Variants in DHRSX observed in about 807,000 individuals in gnomAD.
DHRSX encodes polyprenol dehydrogenase.
A neutral mutation model predicts 34.0 loss-of-function variants in DHRSX; 31 were observed. That is an observed-to-expected ratio of 0.91 (90% confidence interval 0.69 to 1.23). The LOEUF is 1.23. Among genes scored for constraint, DHRSX ranks in the 50% most tolerant of loss-of-function variants. The probability of loss-of-function intolerance (pLI) is 0.00; values close to 1 mark genes in which losing one functional copy is unlikely to be tolerated. For missense variants in DHRSX, 414 were observed against 428.1 expected, an observed-to-expected ratio of 0.97 and a Z score of 0.29; for synonymous variants, 201 against 183.8, an observed-to-expected ratio of 1.09 and a Z score of -0.76.
chrX:2,324,951 T>TG (rs1396233272), intron 3 of DHRSX, among the ~76,000 whole-genome samples: 3 of 150,250 alleles, frequency 2.0e-5, no homozygotes, highest in South Asian at 4.2e-4. Context: ...GTTTTGTTTT[T>TG]TTTTTTTTTA....
intron 2 of DHRSX, among the ~76,000 whole-genome samples, chrX:2,422,167 G>A (rs1203202010): frequency 6.6e-6 from 1 of 152,206 alleles, no homozygotes; most frequent in African/African-American, 2.4e-5. Context: ...CCTAAGCATT[G>A]TTTATGATCC....
intron 3 of DHRSX, among the ~76,000 whole-genome samples, chrX:2,342,105 C>A (rs1461998306): frequency 3.3e-5 from 5 of 152,062 alleles, no homozygotes; most frequent in African/African-American, 1.2e-4. Flanking sequence ...CTCGCCCGGC[C>A]GATTTAGAAG....
Position 2,370,938 on chromosome X carries a change from C to A in DHRSX, c.286+37807G>T, listed in dbSNP as rs73630290. Among the ~76,000 whole-genome samples, 870 of 152,216 alleles carry A rather than the reference C, an allele frequency of 5.7e-3. 12 individuals carry two copies. The highest frequency in any genetic ancestry group is 0.02 in the African/African-American group (839 of 41,532). ...GAACCCCACATCGAACGACCCCAAT[C>A]ACGGTTGTTCCGAGCATCACGTGCC... On this transcript the variant is annotated intron_variant, in intron 3 of 6. Coordinates refer to ENST00000334651, the MANE Select transcript of DHRSX (RefSeq NM_145177.3).
chrX:2,452,431 C>T (rs1243646291), intron 1 of DHRSX, among the ~76,000 whole-genome samples: 3 of 151,900 alleles, frequency 2.0e-5, no homozygotes, highest in African/African-American at 7.3e-5. Context: ...ACATTGAAGA[C>T]ATTCCCTACG....
At chrX:2,366,408 C>T (rs933811272) in intron 3 of DHRSX, among the ~76,000 whole-genome samples, 2 of 151,654 alleles carry the variant, frequency 1.3e-5, no homozygotes, top group African/African-American at 4.8e-5. Flanking sequence ...CCACTGCACT[C>T]CAGCCTGGGC....
intron 5 of DHRSX, among the ~76,000 whole-genome samples, chrX:2,266,359 C>T (rs1368464667): frequency 3.1e-5 from 4 of 127,654 alleles, no homozygotes; most frequent in African/African-American, 6.0e-5. Flanking sequence ...AGCACCAGTG[C>T]TCGGCAGATG....
intron 3 of DHRSX, among the ~76,000 whole-genome samples, chrX:2,362,858 C>T (rs1156446968): frequency 2.5e-5 from 3 of 121,956 alleles, no homozygotes; most frequent in Non-Finnish European, 5.6e-5. Flanking sequence ...TATCATGCCG[C>T]CATTTTATCA....
chrX:2,491,156 G>A lies in DHRSX; in HGVS notation c.109+9661C>T, dbSNP rs189660078. 3.0e-3 allele frequency among the ~76,000 whole-genome samples: 432 copies of A among 141,928 alleles called. 4 individuals are homozygous for A. In the South Asian group the frequency reaches 0.031, roughly 10 times the overall value. The allele number at this position is 141,928 out of a possible 152,430, so 93.1% of individuals were successfully genotyped here. ...GTGATCTCAGCTCACTGCAACCTCC[G>A]CCTCCCGGGTTCAAGCGATCTTCCT... On this transcript the variant is annotated intron_variant, in intron 1 of 6. Coordinates refer to ENST00000334651, the MANE Select transcript of DHRSX (RefSeq NM_145177.3).
chrX:2,332,247 CACAA>C (rs1332174534), intron 3 of DHRSX, among the ~76,000 whole-genome samples: 3 of 152,096 alleles, frequency 2.0e-5, no homozygotes, highest in South Asian at 2.1e-4. Flanking sequence ...GGGGAGAAAA[CACAA>C]ACAGACTGAA....
intron 2 of DHRSX, among the ~76,000 whole-genome samples, chrX:2,409,626 G>A (rs868053937): frequency 6.6e-5 from 10 of 152,284 alleles, no homozygotes; most frequent in Middle Eastern, 3.4e-3. Flanking sequence ...TCAGGAACAC[G>A]CCTTTAGAAG....
At chrX:2,410,985 G>C (rs1427180840) in intron 2 of DHRSX, among the ~76,000 whole-genome samples, 1 of 152,106 alleles carries the variant, frequency 6.6e-6, no homozygotes, top group Non-Finnish European at 1.5e-5. Flanking sequence ...CAGTCCTTTG[G>C]CACTGAGGAG....
At chrX:2,345,279 C>T (rs987683877) in intron 3 of DHRSX, among the ~76,000 whole-genome samples, 15 of 152,024 alleles carry the variant, frequency 9.9e-5, no homozygotes, top group Admixed American at 3.3e-4. Context: ...AGATAAATAT[C>T]GAAATCAGGA....
intron 3 of DHRSX, among the ~76,000 whole-genome samples, chrX:2,347,164 C>T (rs1316670143): frequency 1.3e-5 from 2 of 152,282 alleles, no homozygotes; most frequent in East Asian, 3.9e-4. Flanking sequence ...TTTAACTGGA[C>T]TTACAGTTCC....
intron 6 of DHRSX, among the ~76,000 whole-genome samples, chrX:2,234,065 C>T (rs2015958384): frequency 6.6e-6 from 1 of 152,226 alleles, no homozygotes; most frequent in Non-Finnish European, 1.5e-5. Context: ...AGGGACCCCT[C>T]CCTCGTCATC....
intron 1 of DHRSX, chrX:2,486,524 A>C (rs549553894): frequency 2.0e-5 from 3 of 152,332 alleles, no homozygotes; most frequent in African/African-American, 7.2e-5. Flanking sequence ...GCTTAAAAAT[A>C]AAAATGAAGA....
At chrX:2,283,908 ATTCACTCATTCC>A (rs2041767048) in intron 4 of DHRSX, among the ~76,000 whole-genome samples, 1 of 32,232 alleles carries the variant, frequency 3.1e-5, no homozygotes, top group Non-Finnish European at 7.6e-5. Context: ...ATTCCTTTGA[ATTCACTCATTCC>A]TTTGAATTCA....
At chrX:2,234,027 C>T (rs2015957457) in intron 6 of DHRSX, among the ~76,000 whole-genome samples, 1 of 152,228 alleles carries the variant, frequency 6.6e-6, no homozygotes, top group African/African-American at 2.4e-5. Context: ...GGAGCTGTTG[C>T]AGGAAATAGC....
intron 6 of DHRSX, among the ~76,000 whole-genome samples, chrX:2,239,243 T>C (rs1217175845): frequency 6.6e-6 from 1 of 151,994 alleles, no homozygotes; most frequent in Non-Finnish European, 1.5e-5. Context: ...AAAGAAATAA[T>C]GTCAAGGCCA....
chrX:2,437,337 G>A (rs1341479663), intron 1 of DHRSX, among the ~76,000 whole-genome samples: 1 of 152,138 alleles, frequency 6.6e-6, no homozygotes, highest in Non-Finnish European at 1.5e-5. Flanking sequence ...CGAGTCTGGT[G>A]GCTCATGTCT....
Sources: allele counts gnomAD v4.1 joint callset (sites outside exome capture counted in the v4.1 genomes callset), GRCh38; gene constraint gnomAD v4.1.1; transcripts MANE v1.5; gene names NCBI Gene and HGNC (gene_info 2026-07-23, HGNC 2026-07-21).